The following GALNT17 variants were observed in gnomAD, a reference collection of about 807,000 sequenced individuals.
The protein encoded by GALNT17 is polypeptide N-acetylgalactosaminyltransferase 17, also known as UDP-GalNAc:polypeptide N-acetylgalactosaminyltransferase-like 3.
In GALNT17, 29 loss-of-function variants were observed where a neutral mutation model predicts 63.7. The ratio of observed to expected loss-of-function variants is 0.46; its 90% confidence interval spans 0.34 to 0.62. The LOEUF (loss-of-function observed/expected upper bound fraction) is 0.62, where lower values mean the gene tolerates loss of function less well. Ranked by LOEUF, GALNT17 falls within the 20% of genes least tolerant of loss-of-function variation. GALNT17 has a pLI of 0.01. For missense variants in GALNT17, 603 were observed against 799.6 expected, an observed-to-expected ratio of 0.75 and a Z score of 2.97; for synonymous variants, 305 against 318.3, an observed-to-expected ratio of 0.96 and a Z score of 0.45.
chr7:71,706,214 C>T (rs192001347), intron 9 of GALNT17, among the ~76,000 whole-genome samples: 2 of 152,310 alleles, frequency 1.3e-5, no homozygotes, highest in East Asian at 1.9e-4. Flanking sequence ...GTGAGATAAA[C>T]ACCTTCCCCT....
chr7:71,420,840 G>A lies in GALNT17; in HGVS notation c.765-68G>A, dbSNP rs947126485. On this transcript the variant is annotated intron_variant, in intron 4 of 10. Transcript: ENST00000333538. The stretch of plus-strand genomic sequence containing the variant: ...TAAGTAGCTAAATGCTGTTCATTCC[G>A]TGTGGTCTTGGGAGGTGTGCCTCAC... 3.6e-5 allele frequency: 56 copies of A among 1,569,446 alleles called. No individual in the cohort carries two copies. The South Asian group carries it at 3.8e-4, about 11-fold the overall frequency.
At chr7:71,184,148 C>T (rs1343984490) in intron 1 of GALNT17, among the ~76,000 whole-genome samples, 2 of 152,128 alleles carry the variant, frequency 1.3e-5, no homozygotes, top group African/African-American at 2.4e-5. Flanking sequence ...TGGAAGAAGG[C>T]GGCCATCTAC....
intron 1 of GALNT17, among the ~76,000 whole-genome samples, chr7:71,332,312 C>G (rs1036623516): frequency 1.3e-5 from 2 of 152,020 alleles, no homozygotes; most frequent in African/African-American, 4.8e-5. Flanking sequence ...AAAATCCAGT[C>G]TTTCAGGGAC....
intron 1 of GALNT17, among the ~76,000 whole-genome samples, chr7:71,166,713 A>G (rs1038020832): frequency 2.6e-5 from 4 of 152,084 alleles, no homozygotes; most frequent in Admixed American, 2.6e-4. Context: ...GCTATACCAC[A>G]GTTTGTTTAC....
At chr7:71,677,758 G>A (rs369351040) in intron 9 of GALNT17, among the ~76,000 whole-genome samples, 16 of 151,992 alleles carry the variant, frequency 1.1e-4, no homozygotes, top group East Asian at 7.8e-4. Context: ...CTTGTGATCC[G>A]CCCGCCTCGG....
intron 6 of GALNT17, among the ~76,000 whole-genome samples, chr7:71,643,025 T>C (rs1247449641): frequency 6.6e-6 from 1 of 152,164 alleles, no homozygotes; most frequent in Non-Finnish European, 1.5e-5. Context: ...GCACATCGCA[T>C]GTTTTGGGAC....
chr7:71,693,303 C>CAT (rs1214195779), intron 9 of GALNT17, among the ~76,000 whole-genome samples: 18,558 of 121,704 alleles, frequency 0.15, 2,201 homozygotes, highest in East Asian at 0.42. Context: ...CACACACACA[C>CAT]ACACACATAT....
At chr7:71,607,131 C>T (rs549542154) in intron 6 of GALNT17, among the ~76,000 whole-genome samples, 7 of 152,068 alleles carry the variant, frequency 4.6e-5, no homozygotes, top group East Asian at 1.9e-4. Flanking sequence ...ATGGTCATAT[C>T]GCTGCACTCC....
intron 2 of GALNT17, among the ~76,000 whole-genome samples, chr7:71,384,132 G>GT (rs1217343548): frequency 3.3e-5 from 5 of 151,686 alleles, no homozygotes; most frequent in Non-Finnish European, 5.9e-5. Flanking sequence ...GTTTTGTTTT[G>GT]TTTTTTTGTT....
At chr7:71,634,354 C>T (rs970690492) in intron 6 of GALNT17, among the ~76,000 whole-genome samples, 1 of 152,188 alleles carries the variant, frequency 6.6e-6, no homozygotes, top group Admixed American at 6.5e-5. Flanking sequence ...TGACCATCGC[C>T]TGGGACACAG....
At chr7:71,578,542 A>G (rs573332915) in intron 6 of GALNT17, among the ~76,000 whole-genome samples, 3 of 150,866 alleles carry the variant, frequency 2.0e-5, no homozygotes, top group South Asian at 2.1e-4. Flanking sequence ...GGGTCTCACT[A>G]TGTTGCCCAG....
In GALNT17 at chr7:71,243,969, G is replaced by A. The variant is rs139657104; in HGVS notation, c.239-91581G>A. Among the ~76,000 whole-genome samples the A allele has an allele frequency of 3.8e-3, 579 of 152,242 alleles. 3 individuals are homozygous for A. The highest frequency in any genetic ancestry group is 4.2e-3 in the Non-Finnish European group (284 of 68,014). The stretch of plus-strand genomic sequence containing the variant: ...AATGAGAAAATGGGAAAATGGAACC[G>A]ATGTGGATGACTATGCCAAGAAATT... On this transcript the variant is annotated intron_variant, in intron 1 of 10. Coordinates refer to ENST00000333538, the MANE Select transcript of GALNT17 (RefSeq NM_022479.3).
intron 2 of GALNT17, among the ~76,000 whole-genome samples, chr7:71,353,573 A>T (rs894495969): frequency 6.6e-6 from 1 of 152,184 alleles, no homozygotes; most frequent in African/African-American, 2.4e-5. Context: ...ATGCCTCTTA[A>T]TTCATATTTG....
At chr7:71,459,726 T>G (rs950371351) in intron 5 of GALNT17, among the ~76,000 whole-genome samples, 1 of 152,188 alleles carries the variant, frequency 6.6e-6, no homozygotes, top group Non-Finnish European at 1.5e-5. Flanking sequence ...AGAATCTCTG[T>G]TTACATAGCT....
intron 2 of GALNT17, among the ~76,000 whole-genome samples, chr7:71,357,645 G>A (rs1024726602): frequency 5.3e-5 from 8 of 152,122 alleles, no homozygotes; most frequent in African/African-American, 1.9e-4. Context: ...AGGTGCTTAC[G>A]CCTGTAATTC....
intron 1 of GALNT17, among the ~76,000 whole-genome samples, chr7:71,213,682 A>G (rs990299): frequency 1.3e-5 from 2 of 151,968 alleles, no homozygotes; most frequent in African/African-American, 4.8e-5. Context: ...TTTTTCTCCC[A>G]CATGGGATGA....
At chr7:71,624,191 C>T (rs1054767130) in intron 6 of GALNT17, among the ~76,000 whole-genome samples, 21 of 152,296 alleles carry the variant, frequency 1.4e-4, no homozygotes, top group African/African-American at 4.8e-4. Context: ...AGATGGATGA[C>T]AGCACTTCAA....
chr7:71,532,396 A>G (rs1788735124), intron 5 of GALNT17, among the ~76,000 whole-genome samples: 1 of 152,152 alleles, frequency 6.6e-6, no homozygotes, highest in South Asian at 2.1e-4. Flanking sequence ...AGGAGAAGAG[A>G]CAGATCATTT....
At chr7:71,321,107 T>C (rs1220967326) in intron 1 of GALNT17, among the ~76,000 whole-genome samples, 2 of 152,160 alleles carry the variant, frequency 1.3e-5, no homozygotes, top group Admixed American at 6.5e-5. Context: ...TGGTGTACAG[T>C]GTCAAGCACA....
Sources: allele counts gnomAD v4.1 joint callset (sites outside exome capture counted in the v4.1 genomes callset), GRCh38; gene constraint gnomAD v4.1.1; transcripts MANE v1.5; gene names NCBI Gene and HGNC (gene_info 2026-07-23, HGNC 2026-07-21).